Variants in CGNL1 observed in about 807,000 individuals in gnomAD.
The protein encoded by CGNL1 is cingulin like 1.
CGNL1 carries 132 observed loss-of-function variants against 141.2 expected under a neutral mutation model. That is an observed-to-expected ratio of 0.93 (90% CI 0.81 to 1.08). The LOEUF (loss-of-function observed/expected upper bound fraction) is 1.08, where lower values mean the gene tolerates loss of function less well. CGNL1 is among the 50% of genes least tolerant of loss of function. CGNL1 has a pLI of 0.00. For missense variants in CGNL1, 1,870 were observed against 1,588.6 expected, an observed-to-expected ratio of 1.18 and a Z score of -3.01; for synonymous variants, 690 against 622.1, an observed-to-expected ratio of 1.11 and a Z score of -1.63.
intron 14 of CGNL1, among the ~76,000 whole-genome samples, chr15:57,535,954 T>A (rs561887591): frequency 1.3e-5 from 2 of 152,316 alleles, no homozygotes; most frequent in African/African-American, 4.8e-5. Context: ...GCCATGTTGT[T>A]TATAAGTTCC....
intron 8 of CGNL1, among the ~76,000 whole-genome samples, chr15:57,495,752 G>A (rs547430837): frequency 5.6e-4 from 85 of 152,302 alleles, no homozygotes; most frequent in Admixed American, 1.3e-3. Context: ...ACATGACTTG[G>A]AGTGTGACCA....
At chr15:57,454,711 G>A (rs1258420129) in intron 7 of CGNL1, among the ~76,000 whole-genome samples, 4 of 152,102 alleles carry the variant, frequency 2.6e-5, no homozygotes, top group Admixed American at 6.6e-5. Context: ...CTCCTGAGAA[G>A]CCCTCAGCAT....
At chr15:57,485,719 A>G (rs561341097) in intron 8 of CGNL1, among the ~76,000 whole-genome samples, 4 of 152,234 alleles carry the variant, frequency 2.6e-5, no homozygotes, top group Non-Finnish European at 5.9e-5. Flanking sequence ...GCATAAGAGT[A>G]TAGAGTAGAA....
rs1443502997 is a variant in CGNL1, at chr15:57,438,934, T to C, written c.935T>C (p.Phe312Ser). Residue 312 changes from phenylalanine (F) to serine (S), a missense_variant, in exon 2 of 19, where the codon TTT becomes TCT. Coordinates refer to ENST00000281282, the MANE Select transcript of CGNL1 (RefSeq NM_032866.5). ...ACGTCAGCCAACTCTTTGTACAGGT[T>C]TTTACTGGATGATCAGGAATGTGCC... ...TPTSANSLYR[F>S]LLDDQECAIH... 6.2e-7 allele frequency: 1 copy of C among 1,614,034 alleles called. No individual in the cohort carries two copies. The highest frequency in any genetic ancestry group is 2.2e-5 in the East Asian group (1 of 44,888).
intron 1 of CGNL1, among the ~76,000 whole-genome samples, chr15:57,429,548 T>C (rs1416241477): frequency 6.6e-6 from 1 of 152,232 alleles, no homozygotes; most frequent in African/African-American, 2.4e-5. Flanking sequence ...AGGTTTTCTA[T>C]GTACATGACA....
intron 1 of CGNL1, among the ~76,000 whole-genome samples, chr15:57,390,060 C>T (rs796457036): frequency 2.0e-4 from 30 of 152,344 alleles, no homozygotes; most frequent in African/African-American, 7.2e-4. Flanking sequence ...GGGTGATCCA[C>T]CTGCCTTGGC....
chr15:57,511,239 C>T (rs945748431), intron 8 of CGNL1, among the ~76,000 whole-genome samples: 2 of 152,156 alleles, frequency 1.3e-5, no homozygotes, highest in South Asian at 4.1e-4. Context: ...CTAAAAACAT[C>T]TTTATCCCTC....
At chr15:57,451,652 A>G (rs763400219) in intron 5 of CGNL1, 51 bp downstream of exon 5, 3 of 1,394,004 alleles carry the variant, frequency 2.2e-6, no homozygotes, top group Non-Finnish European at 3.0e-6. Flanking sequence ...CTTGGTTGAT[A>G]AAGAATATTT....
At chr15:57,427,619 T>A (rs1166791164) in intron 1 of CGNL1, among the ~76,000 whole-genome samples, 1 of 152,250 alleles carries the variant, frequency 6.6e-6, no homozygotes, top group African/African-American at 2.4e-5. Context: ...GATCTGTTGT[T>A]TTGAGTGACC....
chr15:57,509,982 C>A (rs1306154922), intron 8 of CGNL1, among the ~76,000 whole-genome samples: 1 of 152,136 alleles, frequency 6.6e-6, no homozygotes, highest in East Asian at 1.9e-4. Flanking sequence ...CCTGACTTAC[C>A]CTTGAAATAA....
In CGNL1 at chr15:57,438,858, G is replaced by C. The variant is rs376081414; in HGVS notation, c.859G>C (p.Val287Leu). The change falls in exon 2 of 19, where the codon GTC (valine) becomes CTC (leucine). Residue 287 changes from valine (V) to leucine (L), a missense_variant. Val to Leu is a conservative substitution (Grantham distance 32). Transcript: ENST00000281282. The stretch of plus-strand genomic sequence containing the variant: ...CCGGCGACAGGATTCAGCGGGACCC[G>C]TCCTGGATGGAGCTCGGTCCCGGAG... ...PFRRQDSAGP[V>L]LDGARSRRSS... 1.2e-6 allele frequency: 2 copies of C among 1,614,044 alleles called. No individual in the cohort carries two copies. Among genetic ancestry groups the C allele is most frequent in the African/African-American group, 2.7e-5 (2 of 74,902 alleles).
In CGNL1 at chr15:57,452,192, G is replaced by A. The variant is rs1443367917; in HGVS notation, c.1957G>A (p.Glu653Lys). ...AGAGAGGATGAGAGCAAACCTAGAAGAGCTCCGAAGCCAACACAACGAAAA... is the reference window on the plus strand; with the variant it reads ...AGAGAGGATGAGAGCAAACCTAGAAAAGCTCCGAAGCCAACACAACGAAAA... ...ERERMRANLE[E>K]LRSQHNEKVE... The change falls in exon 6 of 19, where the codon GAG (glutamate) becomes AAG (lysine). Residue 653 changes from glutamate (E) to lysine (K), a missense_variant. By Grantham distance (56) the Glu-to-Lys change is moderately conservative. Transcript: ENST00000281282. 2 of 1,613,954 alleles carry A rather than the reference G, an allele frequency of 1.2e-6. No individual in the cohort carries two copies. The highest frequency in any genetic ancestry group is 8.5e-7 in the Non-Finnish European group (1 of 1,179,926).
intron 13 of CGNL1, among the ~76,000 whole-genome samples, chr15:57,529,299 G>A (rs550204610): frequency 1.0e-3 from 155 of 152,214 alleles, no homozygotes; most frequent in African/African-American, 3.3e-3. Flanking sequence ...GCCAGAGCTC[G>A]CAGCACACTG....
At chr15:57,399,697 T>A (rs1293471586) in intron 1 of CGNL1, among the ~76,000 whole-genome samples, 1 of 152,138 alleles carries the variant, frequency 6.6e-6, no homozygotes, top group African/African-American at 2.4e-5. Flanking sequence ...GAGCGGAGTA[T>A]GGAATCTGTC....
intron 15 of CGNL1, 34 bp downstream of exon 15, chr15:57,543,813 T>G (rs1428733312): frequency 2.6e-6 from 4 of 1,522,456 alleles, no homozygotes; most frequent in Non-Finnish European, 3.6e-6. Context: ...TGCCCCCCCG[T>G]CCATCCGCTA....
At chr15:57,478,453 C>T (rs1291673846) in intron 8 of CGNL1, 1 of 152,278 alleles carries the variant, frequency 6.6e-6, no homozygotes, top group Non-Finnish European at 1.5e-5. Context: ...AACAGCACAG[C>T]TCCTTCTGGA....
intron 4 of CGNL1, among the ~76,000 whole-genome samples, chr15:57,443,429 G>A (rs2063214520): frequency 6.6e-6 from 1 of 152,174 alleles, no homozygotes; most frequent in South Asian, 2.1e-4. Flanking sequence ...CCCCTCCCAG[G>A]GGAGTTCTGC....
chr15:57,388,149 G>A (rs537629468), intron 1 of CGNL1, among the ~76,000 whole-genome samples: 1 of 152,352 alleles, frequency 6.6e-6, no homozygotes, highest in Non-Finnish European at 1.5e-5. Context: ...TAGGAGAGCA[G>A]TGCCAGGCTC....
intron 12 of CGNL1, among the ~76,000 whole-genome samples, chr15:57,525,059 G>C (rs953353556): frequency 1.3e-5 from 2 of 152,160 alleles, no homozygotes; most frequent in South Asian, 2.1e-4. Flanking sequence ...GCTGTGTCCA[G>C]ATGATTTATT....
Sources: allele counts gnomAD v4.1 joint callset (sites outside exome capture counted in the v4.1 genomes callset), GRCh38; gene constraint gnomAD v4.1.1; transcripts MANE v1.5; gene names NCBI Gene and HGNC (gene_info 2026-07-23, HGNC 2026-07-21).